Variants in PTER observed in about 807,000 individuals in gnomAD.
PTER encodes the protein phosphotriesterase related.
In PTER, 38 loss-of-function variants were observed where a neutral mutation model predicts 29.6. The ratio of observed to expected loss-of-function variants is 1.28; its 90% confidence interval spans 0.99 to 1.68. PTER has a LOEUF of 1.68. Ranked by LOEUF, PTER falls within the 40% of genes most tolerant of loss-of-function variation. PTER has a pLI of 0.00. For missense variants in PTER, 482 were observed against 427.8 expected, an observed-to-expected ratio of 1.13 and a Z score of -1.12; for synonymous variants, 172 against 154.5, an observed-to-expected ratio of 1.11 and a Z score of -0.84.
Position 16,476,901 on chromosome 10 carries a change from CTTTTTTT to C in PTER, c.-48-7420_-48-7414del, listed in dbSNP as rs1010674988. On this transcript the variant is annotated intron_variant, in intron 1 of 4. Coordinates refer to ENST00000535784, the MANE Select transcript of PTER (RefSeq NM_001261836.2). ...CAAACCACCCCTCCATCCTAGAATT[CTTTTTTT>C]TTTTTTTTTTTTTTTGAGACAGGGT... Among the ~76,000 whole-genome samples the C allele has an allele frequency of 3.7e-4, 37 of 100,368 alleles. 1 individual carries two copies. The highest frequency in any genetic ancestry group is 1.4e-3 in the African/African-American group (31 of 22,354). The allele number at this position is 100,368 out of a possible 152,430, so 65.8% of individuals were successfully genotyped here.
chr10:16,479,744 G>T (rs549687342), intron 1 of PTER, among the ~76,000 whole-genome samples: 1 of 151,966 alleles, frequency 6.6e-6, no homozygotes, highest in East Asian at 2.0e-4. Flanking sequence ...CATCTACACT[G>T]GTGTCATCTC....
At chr10:16,510,518 C>G (rs1324975769) in intron 4 of PTER, among the ~76,000 whole-genome samples, 1 of 152,194 alleles carries the variant, frequency 6.6e-6, no homozygotes, top group Admixed American at 6.5e-5. Context: ...TCAAATGCCC[C>G]TCACTTGCAG....
chr10:16,513,572 C>T lies in PTER; in HGVS notation c.*2316C>T, dbSNP rs894289112. ...TTAATTTTAAAATAACCTCAGGCCA[C>T]AGACTTGTAGTAATCATTTGAAGGC... On this transcript the variant is annotated 3_prime_UTR_variant, in exon 5 of 5. Coordinates refer to ENST00000535784, the MANE Select transcript of PTER (RefSeq NM_001261836.2). 1 of 152,536 alleles carries T rather than the reference C, an allele frequency of 6.6e-6. No individual in the cohort carries two copies. The highest frequency in any genetic ancestry group is 2.4e-5 in the African/African-American group (1 of 41,440). 9.4% of individuals were successfully genotyped at this position (152,536 alleles called of 1,614,324 possible).
At position 16,502,888 on chromosome 10, in the gene PTER, C is replaced by T. The variant is rs561751136; in HGVS notation, c.699-2132C>T. Among the ~76,000 whole-genome samples, 145 of 149,152 alleles carry T rather than the reference C, an allele frequency of 9.7e-4. 1 individual carries two copies. Among genetic ancestry groups the T allele is most frequent in the African/African-American group, 3.3e-3 (134 of 40,408 alleles). On this transcript the variant is annotated intron_variant, in intron 3 of 4. Transcript: ENST00000535784. ...CCTGTAGTCCCAGCTACTCGGGAGG[C>T]TGAAGCAAGAGAATCACTTGAACCC...
intron 1 of PTER, among the ~76,000 whole-genome samples, chr10:16,456,408 A>G (rs1834395700): frequency 6.6e-6 from 1 of 152,180 alleles, no homozygotes; most frequent in Non-Finnish European, 1.5e-5. Flanking sequence ...AAATGAACAC[A>G]ATATCCTGCC....
intron 1 of PTER, among the ~76,000 whole-genome samples, chr10:16,478,682 A>G (rs897899424): frequency 6.6e-6 from 1 of 152,080 alleles, no homozygotes; most frequent in Non-Finnish European, 1.5e-5. Context: ...AAACAGAGAA[A>G]TTTGGGAAGC....
At chr10:16,478,049 T>A (rs1003604424) in intron 1 of PTER, among the ~76,000 whole-genome samples, 7 of 152,184 alleles carry the variant, frequency 4.6e-5, no homozygotes, top group Admixed American at 3.9e-4. Flanking sequence ...AATAACTTGG[T>A]GTATGTTTCA....
intron 1 of PTER, among the ~76,000 whole-genome samples, chr10:16,458,622 G>T (rs1834497260): frequency 6.6e-6 from 1 of 152,232 alleles, no homozygotes; most frequent in South Asian, 2.1e-4. Context: ...ACAGAGACGT[G>T]CAATCCAGGA....
intron 3 of PTER, among the ~76,000 whole-genome samples, chr10:16,499,175 A>G (rs1836234279): frequency 6.6e-6 from 1 of 152,172 alleles, no homozygotes; most frequent in African/African-American, 2.4e-5. Flanking sequence ...CCTTCCTGAT[A>G]GAGCTTCTGT....
chr10:16,480,427 C>G (rs1279584054), intron 1 of PTER, among the ~76,000 whole-genome samples: 6 of 152,012 alleles, frequency 3.9e-5, no homozygotes, highest in South Asian at 2.1e-4. Context: ...AACTCCTGGC[C>G]TTAAGTGATC....
chr10:16,491,245 A>G (rs1441653253), intron 3 of PTER, among the ~76,000 whole-genome samples: 2 of 152,238 alleles, frequency 1.3e-5, no homozygotes, highest in African/African-American at 2.4e-5. Context: ...AAGTATGAGC[A>G]TTTCAGAAGG....
intron 3 of PTER, among the ~76,000 whole-genome samples, chr10:16,490,690 T>G (rs1835867525): frequency 6.6e-6 from 1 of 150,798 alleles, no homozygotes; most frequent in South Asian, 2.1e-4. Flanking sequence ...AAAGGTTTTC[T>G]GTGAACATCT....
chr10:16,476,411 G>T (rs1308411004), intron 1 of PTER, among the ~76,000 whole-genome samples: 1 of 151,998 alleles, frequency 6.6e-6, no homozygotes, highest in Non-Finnish European at 1.5e-5. Flanking sequence ...GTGCTTTTAG[G>T]TATCGTTTTA....
At chr10:16,446,759 G>A (rs1834027718) in intron 1 of PTER, among the ~76,000 whole-genome samples, 1 of 151,542 alleles carries the variant, frequency 6.6e-6, no homozygotes, top group African/African-American at 2.4e-5. Flanking sequence ...AAGATTGTAA[G>A]ACATTTTTGT....
chr10:16,510,265 C>G (rs910162395), intron 4 of PTER, among the ~76,000 whole-genome samples: 1 of 152,150 alleles, frequency 6.6e-6, no homozygotes, highest in African/African-American at 2.4e-5. Flanking sequence ...TTTAACAAAG[C>G]AAAGAGGATT....
chr10:16,479,568 C>T (rs1835401916), intron 1 of PTER, among the ~76,000 whole-genome samples: 2 of 152,022 alleles, frequency 1.3e-5, no homozygotes, highest in Admixed American at 1.3e-4. Context: ...AGAGTGCAGC[C>T]GCGCTCTGTG....
At chr10:16,484,020 T>C (rs1040785052) in intron 1 of PTER, among the ~76,000 whole-genome samples, 1 of 152,146 alleles carries the variant, frequency 6.6e-6, no homozygotes, top group African/African-American at 2.4e-5. Flanking sequence ...TGCATAGCTA[T>C]GATTAAGAGA....
At chr10:16,456,862 T>TA (rs147690650) in intron 1 of PTER, among the ~76,000 whole-genome samples, 1 of 113,598 alleles carries the variant, frequency 8.8e-6, no homozygotes, top group Non-Finnish European at 1.9e-5. Flanking sequence ...ATGGGGAAGG[T>TA]GGGGGGGGGT....
chr10:16,505,177 C>T lies in PTER; in HGVS notation c.839+17C>T, dbSNP rs1256229396. On this transcript the variant is annotated intron_variant, in intron 4 of 4. Transcript: ENST00000535784. ...AATTAGAAGGTAAATATGGTAAAGC[C>T]TCTCATAGCATTCCCTTTCCCTAGC... is the stretch of plus-strand genomic sequence containing the variant. The T allele has an allele frequency of 6.2e-7, 1 of 1,612,598 alleles. No individual in the cohort carries two copies. Among genetic ancestry groups the T allele is most frequent in the African/African-American group, 1.3e-5 (1 of 74,900 alleles).
Sources: gnomAD v4.1 joint callset for allele counts (sites outside exome capture counted in the v4.1 genomes callset) on GRCh38, gnomAD v4.1.1 for gene constraint, MANE v1.5 for transcripts, NCBI Gene and HGNC (gene_info 2026-07-23, HGNC 2026-07-21) for gene names.